The following ZP2 variants were observed in gnomAD, a reference collection of about 807,000 sequenced individuals.
The protein encoded by ZP2 is zona pellucida glycoprotein 2, also known as zona pellucida sperm-binding protein 2.
A neutral mutation model predicts 84.0 loss-of-function variants in ZP2; 51 were observed. The ratio of observed to expected loss-of-function variants is 0.61; its 90% CI spans 0.49 to 0.77. The LOEUF (loss-of-function observed/expected upper bound fraction) is 0.77, where lower values mean the gene tolerates loss of function less well. ZP2 is among the 30% of genes least tolerant of loss of function. The probability of loss-of-function intolerance (pLI) is 0.00; values close to 1 mark genes in which losing one functional copy is unlikely to be tolerated. For synonymous variants in ZP2, 375 were observed against 330.9 expected, an observed-to-expected ratio of 1.13 and a Z score of -1.45; for missense variants, 909 against 911.9, an observed-to-expected ratio of 1.00 and a Z score of 0.04.
chr16:21,198,007 A>G (rs1362023321), intron 17 of ZP2, 158 bp from the exon 18 acceptor site: 1 of 645,436 alleles, frequency 1.5e-6, no homozygotes, highest in East Asian at 2.7e-5. Flanking sequence ...GTTTGGCCAT[A>G]GCATGTTAAG....
chr16:21,198,960 T>C, intron 16 of ZP2, 98 bp from the exon 17 acceptor site: 1 of 1,112,244 alleles, frequency 9.0e-7, no homozygotes, highest in South Asian at 1.3e-5. Context: ...CTGGAGTATT[T>C]TGTTCATGTG....
chr16:21,201,785 G>A lies in ZP2; in HGVS notation c.1425C>T (p.Asn475=). The A allele has an allele frequency of 6.2e-7, 1 of 1,614,142 alleles. No homozygotes were observed. The highest frequency in any genetic ancestry group is 8.5e-7 in the Non-Finnish European group (1 of 1,180,010). The change falls in exon 13 of 19, where the codon AAC becomes AAT. Residue 475 remains asparagine (N), a synonymous_variant. Coordinates refer to ENST00000574091, the MANE Select transcript of ZP2 (RefSeq NM_001376232.1). ...GAGGAGTAAGGCTTTCAACGTTGATGTTTAGTAGCATGTCATTCCTGCTAT... is the reference window on the plus strand; with the variant it reads ...GAGGAGTAAGGCTTTCAACGTTGATATTTAGTAGCATGTCATTCCTGCTAT... ...CSYSRNDMLL[N]INVESLTPPV...
At chr16:21,199,477 T>C in intron 16 of ZP2, 93 bp downstream of exon 16, 2 of 1,140,490 alleles carry the variant, frequency 1.8e-6, no homozygotes. Flanking sequence ...GTAAATAAAG[T>C]ATGAGTTATA....
At chr16:21,207,144 G>A (rs1212059112) in intron 4 of ZP2, among the ~76,000 whole-genome samples, 154 bp from the exon 5 acceptor site, 2 of 152,150 alleles carry the variant, frequency 1.3e-5, no homozygotes, top group African/African-American at 2.4e-5. Context: ...AGACTAGCTA[G>A]CCCATTGTAA....
At chr16:21,206,784 C>T in intron 5 of ZP2, 54 bp downstream of exon 5, 6 of 1,608,284 alleles carry the variant, frequency 3.7e-6, no homozygotes, top group Non-Finnish European at 5.1e-6. Context: ...AGATCATCAT[C>T]ATATTCCCCC....
chr16:21,212,246 T>A (rs1340345154), upstream of ZP2, among the ~76,000 whole-genome samples: 3 of 152,112 alleles, frequency 2.0e-5, no homozygotes, highest in African/African-American at 4.8e-5. Context: ...TTAAGTAACA[T>A]CTAGTCTTCT....
chr16:21,197,619 G>T lies in ZP2; in HGVS notation c.2099C>A (p.Ala700Asp). 1 of 1,614,178 alleles carries T rather than the reference G, an allele frequency of 6.2e-7. No homozygotes were observed. The highest frequency in any genetic ancestry group is 8.5e-7 in the Non-Finnish European group (1 of 1,180,018). The change falls in exon 19 of 19, where the codon GCT (alanine) becomes GAT (aspartate). Residue 700 changes from alanine (A) to aspartate (D), a missense_variant. By Grantham distance (126) the Ala-to-Asp change is moderately radical. Coordinates refer to ENST00000574091, the MANE Select transcript of ZP2 (RefSeq NM_001376232.1). ...AGTCTTGTGCCCTTTGGTGTCCATA[G>T]CACCTACAAAGGAAGCAGACATTTG... ...ETGEEVGSRG[A>D]MDTKGHKTAG...
At position 21,211,469 on chromosome 16, in the gene ZP2, C is replaced by A. The variant is rs765146514; in HGVS notation, c.62+17G>T. 9 of 1,614,116 alleles carry A rather than the reference C, an allele frequency of 5.6e-6. No individual in the cohort carries two copies. Among genetic ancestry groups the A allele is most frequent in the Middle Eastern group, 1.6e-4 (1 of 6,062 alleles). ...AAAGCTACCATACCCCCTCCCTCCACTTCCAGAATTACTCACCTCCAGCCT... is the reference window on the plus strand; with the variant it reads ...AAAGCTACCATACCCCCTCCCTCCAATTCCAGAATTACTCACCTCCAGCCT... On this transcript the variant is annotated intron_variant, in intron 1 of 18. Coordinates refer to ENST00000574091, the MANE Select transcript of ZP2 (RefSeq NM_001376232.1).
chr16:21,202,152 C>A lies in ZP2; in HGVS notation c.1239G>T (p.Gly413=). The A allele has an allele frequency of 1.2e-6, 2 of 1,608,568 alleles. No homozygotes were observed. The highest frequency in any genetic ancestry group is 1.7e-6 in the Non-Finnish European group (2 of 1,178,536). The change falls in exon 11 of 19, where the codon GGG becomes GGT. Residue 413 remains glycine, a synonymous_variant. Coordinates refer to ENST00000574091, the MANE Select transcript of ZP2 (RefSeq NM_001376232.1). The part of the protein sequence containing the change: ...CQPVFEAQSQ[G]LVRFHIPLNG... ...TCAGGGGTATGTGGAACCGTACCAGCCCCTGAGACTGAGCCTCAAAGACAG... is the reference window on the plus strand; with the variant it reads ...TCAGGGGTATGTGGAACCGTACCAGACCCTGAGACTGAGCCTCAAAGACAG...
intron 7 of ZP2, 69 bp from the exon 8 acceptor site, chr16:21,204,473 C>A: frequency 2.3e-6 from 3 of 1,316,552 alleles, no homozygotes; most frequent in Non-Finnish European, 3.2e-6. Context: ...TAAGAATCAT[C>A]TTGGCAAGTA....
chr16:21,200,108 C>CTACATGAGAAGT (rs1211461420), intron 14 of ZP2, among the ~76,000 whole-genome samples: 2 of 152,164 alleles, frequency 1.3e-5, no homozygotes, highest in Non-Finnish European at 2.9e-5. Context: ...TGTTTGCCAA[C>CTACATGAGAAGT]TACATGAGAA....
chr16:21,204,546 A>G (rs2093240989), intron 7 of ZP2, 142 bp from the exon 8 acceptor site: 2 of 679,340 alleles, frequency 2.9e-6, no homozygotes, highest in Admixed American at 2.8e-5. Flanking sequence ...CTAATGACTA[A>G]TTTGTCTAAT....
In ZP2 at chr16:21,205,422, C is replaced by T; in HGVS notation, c.691G>A (p.Val231Met). ...CAAAGCCAGACTTCCACACCTACCA[C>T]ATAGTGAGTCACTCCAGTGGCATTG... is the stretch of plus-strand genomic sequence containing the variant. ...PFNATGVTHY[V>M]QGNSHLYMVS... Residue 231 changes from valine to methionine, a missense_variant and splice_region_variant, in exon 7 of 19, where the codon GTG becomes ATG. Transcript: ENST00000574091. The T allele has an allele frequency of 1.2e-6, 2 of 1,613,844 alleles. No homozygotes were observed. Among genetic ancestry groups the T allele is most frequent in the South Asian group, 1.1e-5 (1 of 91,068 alleles).
At chr16:21,213,643 G>C (rs1397865221), upstream of ZP2, among the ~76,000 whole-genome samples, 6 of 152,164 alleles carry the variant, frequency 3.9e-5, no homozygotes, top group Admixed American at 1.3e-4. Flanking sequence ...AAAATACTTG[G>C]AGGGAGCGAG....
At position 21,206,893 on chromosome 16, in the gene ZP2, A is replaced by G. The variant is rs756313670; in HGVS notation, c.428T>C (p.Val143Ala). 2 of 1,614,150 alleles carry G rather than the reference A, an allele frequency of 1.2e-6. No homozygotes were observed. Reference protein sequence around the residue: ...MYQFFCPAMQVEETQGLSAST... With the variant: ...MYQFFCPAMQAEETQGLSAST... ...TGCTGAAAGCCCCTGGGTCTCTTCTACTTGCATAGCTGGACAGAAGAACTG... is the reference window on the plus strand; with the variant it reads ...TGCTGAAAGCCCCTGGGTCTCTTCTGCTTGCATAGCTGGACAGAAGAACTG... Residue 143 changes from valine to alanine, a missense_variant, in exon 5 of 19, where the codon GTA (valine) becomes GCA (alanine). Val to Ala is a moderately conservative substitution (Grantham distance 64, BLOSUM62 0). Coordinates refer to ENST00000574091, the MANE Select transcript of ZP2 (RefSeq NM_001376232.1).
chr16:21,204,648 TG>T (rs2093241575), intron 7 of ZP2, among the ~76,000 whole-genome samples: 2 of 152,368 alleles, frequency 1.3e-5, no homozygotes, highest in South Asian at 4.1e-4. Context: ...AGATAAGATC[TG>T]TCCTTACCCC....
At chr16:21,206,022 A>G in intron 5 of ZP2, 1 of 527,878 alleles carries the variant, frequency 1.9e-6, no homozygotes, top group East Asian at 3.4e-5. Context: ...CCCCCAAGAT[A>G]GAGTTTCGCT....
chr16:21,208,939 T>C (rs2093261965), intron 4 of ZP2, among the ~76,000 whole-genome samples: 1 of 152,134 alleles, frequency 6.6e-6, no homozygotes, highest in African/African-American at 2.4e-5. Context: ...ACCTGATTAG[T>C]GGTAGAGCCA....
chr16:21,205,369 A>G (rs780862438), intron 7 of ZP2, 51 bp downstream of exon 7: 1 of 1,586,114 alleles, frequency 6.3e-7, no homozygotes, highest in South Asian at 1.1e-5. Flanking sequence ...GCTTCAATTT[A>G]GGAATACTGG....
Sources: gnomAD v4.1 joint callset for allele counts (sites outside exome capture counted in the v4.1 genomes callset) on GRCh38, gnomAD v4.1.1 for gene constraint, MANE v1.5 for transcripts, NCBI Gene and HGNC (gene_info 2026-07-23, HGNC 2026-07-21) for gene names.